MACROD2: variants seen among roughly 807,000 people sequenced by gnomAD.
The protein encoded by MACROD2 is ADP-ribose glycohydrolase MACROD2.
A neutral mutation model predicts 70.4 loss-of-function variants in MACROD2; 36 were observed. The observed-to-expected ratio is 0.51, with a 90% CI of 0.39 to 0.68. MACROD2 has a LOEUF of 0.68. Ranked by LOEUF, MACROD2 falls within the 30% of genes least tolerant of loss-of-function variation. MACROD2 has a pLI of 0.00. For synonymous variants in MACROD2, 172 were observed against 178.8 expected (o/e 0.96, Z 0.30); for missense variants, 496 against 538.4 (o/e 0.92, Z 0.78).
intron 5 of MACROD2, among the ~76,000 whole-genome samples, chr20:14,964,070 T>C (rs1220647618): frequency 1.3e-5 from 2 of 151,986 alleles, no homozygotes; most frequent in Admixed American, 1.3e-4. Flanking sequence ...TTCTTCTCTG[T>C]ATAAGGTGAT....
intron 5 of MACROD2, among the ~76,000 whole-genome samples, chr20:14,875,041 A>C (rs1256273577): frequency 6.6e-6 from 1 of 151,922 alleles, no homozygotes; most frequent in Non-Finnish European, 1.5e-5. Flanking sequence ...CTGAATTTTT[A>C]GACAAAAGAG....
chr20:14,349,814 C>CTTTTTTTT (rs538685508), intron 3 of MACROD2, among the ~76,000 whole-genome samples: 11 of 132,236 alleles, frequency 8.3e-5, no homozygotes, highest in Non-Finnish European at 1.5e-4. Context: ...TTCTTTTTTT[C>CTTTTTTTT]TTTTTTTTTT....
intron 5 of MACROD2, among the ~76,000 whole-genome samples, chr20:14,796,631 T>C (rs1351243938): frequency 6.6e-6 from 1 of 152,070 alleles, no homozygotes; most frequent in Non-Finnish European, 1.5e-5. Flanking sequence ...TGCTCGACTT[T>C]TTGTTTTGAT....
chr20:15,777,467 A>T (rs2051741508), intron 8 of MACROD2, among the ~76,000 whole-genome samples: 1 of 149,074 alleles, frequency 6.7e-6, no homozygotes, highest in African/African-American at 2.5e-5. Context: ...ACTGTTGGTT[A>T]GTGACAGAGC....
intron 5 of MACROD2, among the ~76,000 whole-genome samples, chr20:14,767,170 A>G (rs1232923052): frequency 6.6e-6 from 1 of 152,276 alleles, no homozygotes; most frequent in Non-Finnish European, 1.5e-5. Flanking sequence ...CTGTACCATC[A>G]ATAATCAATC....
rs999998808 is a variant in MACROD2, at chr20:14,915,183, A to G, written c.418+230224A>G. On this transcript the variant is annotated intron_variant, in intron 5 of 17. Coordinates refer to ENST00000684519, the MANE Select transcript of MACROD2 (RefSeq NM_001351661.2). ...GTGTGTGATTTGTAAATTTAGCTCT[A>G]GAAAGGTGTAACAATAAAATGGAAT... is the stretch of plus-strand genomic sequence containing the variant. Among the ~76,000 whole-genome samples, 103 of 152,350 alleles carry G rather than the reference A, an allele frequency of 6.8e-4. 1 individual carries two copies. The highest frequency in any genetic ancestry group is 2.4e-3 in the African/African-American group (99 of 41,588).
At chr20:14,584,686 T>C (rs1480282780) in intron 4 of MACROD2, among the ~76,000 whole-genome samples, 4 of 152,190 alleles carry the variant, frequency 2.6e-5, no homozygotes, top group African/African-American at 9.6e-5. Flanking sequence ...GTCCACAGCA[T>C]TGAGTGACAA....
chr20:15,174,195 T>A (rs1334841915), intron 5 of MACROD2, among the ~76,000 whole-genome samples: 2 of 152,220 alleles, frequency 1.3e-5, no homozygotes, highest in Non-Finnish European at 2.9e-5. Flanking sequence ...AAGTGCAATG[T>A]CTCGTCTTAA....
At position 14,311,667 on chromosome 20, in the gene MACROD2, G is replaced by A. The variant is rs143197757; in HGVS notation, c.272-181812G>A. ...CAAGTAGCTGGGATTACAGATGCCC[G>A]CCACCATGCCTGCCTAATTTTTGTA... is the stretch of plus-strand genomic sequence containing the variant. On this transcript the variant is annotated intron_variant, in intron 3 of 17. Transcript: ENST00000684519. 2.1e-3 allele frequency among the ~76,000 whole-genome samples: 320 copies of A among 152,138 alleles called. 2 individuals carry two copies. The East Asian group carries it at 0.035, about 17-fold the overall frequency.
intron 6 of MACROD2, among the ~76,000 whole-genome samples, chr20:15,396,008 C>T (rs2045855540): frequency 6.6e-6 from 1 of 152,192 alleles, no homozygotes; most frequent in South Asian, 2.1e-4. Context: ...AAATAACGTA[C>T]ATCAAGGAGG....
chr20:15,855,229 G>T (rs1220361129), intron 8 of MACROD2, among the ~76,000 whole-genome samples: 1 of 152,210 alleles, frequency 6.6e-6, no homozygotes. Context: ...GCTTCGCTGT[G>T]TCACCCTCTT....
At chr20:15,901,308 A>C (rs1359899804) in intron 10 of MACROD2, among the ~76,000 whole-genome samples, 1 of 151,018 alleles carries the variant, frequency 6.6e-6, no homozygotes, top group African/African-American at 2.5e-5. Context: ...CAGAAGGTCC[A>C]CCATTTACAA....
At chr20:15,832,825 A>G (rs2064071731) in intron 8 of MACROD2, among the ~76,000 whole-genome samples, 1 of 152,208 alleles carries the variant, frequency 6.6e-6, no homozygotes, top group Non-Finnish European at 1.5e-5. Context: ...TCTTATGTGC[A>G]CCAACATTTG....
At chr20:15,855,216 C>A (rs948512427) in intron 8 of MACROD2, among the ~76,000 whole-genome samples, 1 of 152,218 alleles carries the variant, frequency 6.6e-6, no homozygotes, top group Admixed American at 6.5e-5. Flanking sequence ...ATACTCCAAA[C>A]CTGCTTCGCT....
chr20:14,429,337 A>ATGGTC lies in MACROD2; in HGVS notation c.272-64141_272-64137dup, dbSNP rs139492763. Among the ~76,000 whole-genome samples, 1,057 of 152,240 alleles carry ATGGTC rather than the reference A, an allele frequency of 6.9e-3. 15 individuals are homozygous for ATGGTC. Among genetic ancestry groups the ATGGTC allele is most frequent in the African/African-American group, 0.025 (1,031 of 41,544 alleles). ...GTGCTTGATAATTTCTTCCTTGTTC[A>ATGGTC]TGGTCCTGTTAGGTAAAAGTTTTAC... On this transcript the variant is annotated intron_variant, in intron 3 of 17. Transcript: ENST00000684519.
chr20:14,505,578 TA>T lies in MACROD2; in HGVS notation c.301+12071del, dbSNP rs538490266. Among the ~76,000 whole-genome samples the T allele has an allele frequency of 6.1e-3, 930 of 152,348 alleles. 6 individuals are homozygous for T. The highest frequency in any genetic ancestry group is 0.014 in the African/African-American group (577 of 41,598). ...GTATTATCTTAAATATACTCTGAAT[TA>T]GTGGTTCTAAAATTTGAATATGCAT... On this transcript the variant is annotated intron_variant, in intron 4 of 17. Coordinates refer to ENST00000684519, the MANE Select transcript of MACROD2 (RefSeq NM_001351661.2).
rs114346199 is a variant in MACROD2, at chr20:15,927,206, A to C, written c.776-6070A>C. Among the ~76,000 whole-genome samples the C allele has an allele frequency of 6.2e-3, 946 of 152,278 alleles. 8 individuals are homozygous for C. The highest frequency in any genetic ancestry group is 0.021 in the African/African-American group (868 of 41,572). ...TGCCTAGAGAACTGAAATACGATTC[A>C]AGGAAAAAATAATAATGCTTTGGGG... On this transcript the variant is annotated intron_variant, in intron 10 of 17. Transcript: ENST00000684519.
intron 5 of MACROD2, among the ~76,000 whole-genome samples, chr20:14,936,578 G>A (rs2074342108): frequency 6.6e-6 from 1 of 152,008 alleles, no homozygotes; most frequent in African/African-American, 2.4e-5. Context: ...CTCTCCTCCA[G>A]GAGCTGATCC....
intron 8 of MACROD2, among the ~76,000 whole-genome samples, chr20:15,607,875 G>C (rs1251151852): frequency 6.6e-6 from 1 of 152,146 alleles, no homozygotes; most frequent in Non-Finnish European, 1.5e-5. Flanking sequence ...TTGTAATTCT[G>C]TGTGATACAT....
Sources: allele counts gnomAD v4.1 joint callset (sites outside exome capture counted in the v4.1 genomes callset), GRCh38; gene constraint gnomAD v4.1.1; transcripts MANE v1.5; gene names NCBI Gene and HGNC (gene_info 2026-07-23, HGNC 2026-07-21).